The following SPATA13 variants were observed in gnomAD, a reference collection of about 807,000 sequenced individuals.
The protein encoded by SPATA13 is spermatogenesis associated 13.
A neutral mutation model predicts 104.0 loss-of-function variants in SPATA13; 50 were observed. The ratio of observed to expected loss-of-function variants is 0.48; its 90% CI spans 0.38 to 0.61. The LOEUF (loss-of-function observed/expected upper bound fraction) is 0.61, where lower values mean the gene tolerates loss of function less well. Ranked by LOEUF, SPATA13 falls within the 20% of genes least tolerant of loss-of-function variation. The pLI is 0.00. For missense variants in SPATA13, 1,524 were observed against 1,690.6 expected (o/e 0.90, Z 1.73); for synonymous variants, 606 against 667.5 (o/e 0.91, Z 1.42).
intron 5 of SPATA13, among the ~76,000 whole-genome samples, chr13:24,285,179 A>C (rs1391095536): frequency 6.6e-6 from 1 of 152,104 alleles, no homozygotes; most frequent in East Asian, 1.9e-4. Context: ...TGGCCAGGGG[A>C]TGGAGGAGCC....
chr13:24,149,497 T>G (rs566193747), intron 3 of SPATA13, among the ~76,000 whole-genome samples: 1 of 152,278 alleles, frequency 6.6e-6, no homozygotes, highest in African/African-American at 2.4e-5. Context: ...TGGCCAAGGG[T>G]GGACTCTGAA....
intron 1 of SPATA13, among the ~76,000 whole-genome samples, chr13:24,189,944 C>CGTAATATATAATTAT (rs1566140820): frequency 6.9e-5 from 2 of 29,020 alleles, no homozygotes; most frequent in Non-Finnish European, 1.2e-4. Context: ...TAATATATTA[C>CGTAATATATAATTAT]ATAATATATT....
intron 1 of SPATA13, among the ~76,000 whole-genome samples, chr13:24,196,579 C>CA (rs1036157035): frequency 6.6e-6 from 1 of 151,808 alleles, no homozygotes; most frequent in African/African-American, 2.4e-5. Flanking sequence ...CTACAAAAAC[C>CA]AAAAAAATTA....
intron 3 of SPATA13, among the ~76,000 whole-genome samples, chr13:24,063,444 G>A (rs1468759177): frequency 6.6e-6 from 1 of 151,930 alleles, no homozygotes; most frequent in African/African-American, 2.4e-5. Flanking sequence ...CTGTGTAAGC[G>A]CCTCTGGACT....
In SPATA13 at chr13:24,223,685, C is replaced by A; in HGVS notation, c.756C>A (p.Ser252Arg). Residue 252 changes from serine (S) to arginine (R), a missense_variant, in exon 2 of 13, where the codon AGC becomes AGA. Ser to Arg is a moderately radical substitution (Grantham distance 110). Coordinates refer to ENST00000382108, the MANE Select transcript of SPATA13 (RefSeq NM_001166271.3). ...PENNSMGYRR[S>R]KSTDNLAFLK... ...ACAACAGCATGGGCTACAGGAGGAGCAAGAGCACGGACAATCTTGCCTTTC... is the reference window on the plus strand; with the variant it reads ...ACAACAGCATGGGCTACAGGAGGAGAAAGAGCACGGACAATCTTGCCTTTC... 6.4e-7 allele frequency: 1 copy of A among 1,552,236 alleles called. No individual in the cohort carries two copies. The highest frequency in any genetic ancestry group is 8.7e-7 in the Non-Finnish European group (1 of 1,147,130).
In SPATA13 at chr13:24,251,599, T is replaced by C. The variant is rs1440736153; in HGVS notation, c.2020-119T>C. The C allele has an allele frequency of 1.6e-5, 24 of 1,516,756 alleles. No homozygotes were observed. In the Admixed American group the frequency reaches 2.1e-4, roughly 13 times the overall value. 94.0% of individuals were successfully genotyped at this position (1,516,756 alleles called of 1,614,324 possible). On this transcript the variant is annotated intron_variant, in intron 3 of 12. Transcript: ENST00000382108. ...GTGCAGCCTGCAACTCGTGGCAGGA[T>C]TGGAGAAACCATTTCACGTCTGTGA...
intron 2 of SPATA13, among the ~76,000 whole-genome samples, chr13:24,004,672 C>A (rs953702606): frequency 1.3e-5 from 2 of 152,162 alleles, no homozygotes; most frequent in Non-Finnish European, 2.9e-5. Flanking sequence ...AAATCAATTC[C>A]GAGACTGCTC....
At chr13:24,266,754 C>T (rs1191533851) in intron 4 of SPATA13, among the ~76,000 whole-genome samples, 1 of 151,904 alleles carries the variant, frequency 6.6e-6, no homozygotes, top group African/African-American at 2.4e-5. Context: ...GTATCTTATC[C>T]AAAGAGAAGA....
At chr13:24,232,003 C>T (rs1345571696) in intron 2 of SPATA13, among the ~76,000 whole-genome samples, 1 of 152,176 alleles carries the variant, frequency 6.6e-6, no homozygotes, top group Non-Finnish European at 1.5e-5. Context: ...TTCCTGGCCA[C>T]CTGTCCTTTA....
chr13:24,096,142 C>A lies in SPATA13; in HGVS notation c.-112+78441C>A, dbSNP rs79446363. 3.5e-3 allele frequency among the ~76,000 whole-genome samples: 526 copies of A among 152,248 alleles called. 3 individuals carry two copies. The highest frequency in any genetic ancestry group is 4.9e-3 in the Non-Finnish European group (330 of 68,016). ...CAGTGACTTTTCATTGGGATCCTAC[C>A]ACCTGCCTGGTGCCTGACTTGTTCT... On this transcript the variant is annotated intron_variant, in intron 3 of 14. Coordinates refer to the SPATA13 transcript ENST00000424834.
At chr13:24,084,342 C>T (rs973663653) in intron 3 of SPATA13, among the ~76,000 whole-genome samples, 8 of 152,146 alleles carry the variant, frequency 5.3e-5, no homozygotes, top group African/African-American at 1.4e-4. Context: ...GGAGCTGAGC[C>T]CGCGCATGAT....
At chr13:24,029,081 C>G (rs1395955081) in intron 3 of SPATA13, among the ~76,000 whole-genome samples, 1 of 151,578 alleles carries the variant, frequency 6.6e-6, no homozygotes, top group Non-Finnish European at 1.5e-5. Flanking sequence ...TTTTAATTAT[C>G]GAATTTATTT....
intron 4 of SPATA13, among the ~76,000 whole-genome samples, chr13:24,262,948 C>T (rs1179501780): frequency 6.6e-6 from 1 of 152,018 alleles, no homozygotes; most frequent in Non-Finnish European, 1.5e-5. Context: ...TACATACGTT[C>T]AGGTTATTTT....
At chr13:24,178,794 T>G (rs1199170548) in intron 1 of SPATA13, among the ~76,000 whole-genome samples, 1 of 152,224 alleles carries the variant, frequency 6.6e-6, no homozygotes, top group East Asian at 1.9e-4. Flanking sequence ...CTAATTGATA[T>G]GTAACGCATC....
chr13:24,293,619 A>C (rs1233962658), intron 9 of SPATA13, among the ~76,000 whole-genome samples: 3 of 152,240 alleles, frequency 2.0e-5, no homozygotes, highest in African/African-American at 7.2e-5. Flanking sequence ...TTTTAAAAAA[A>C]CCATTACAAT....
At chr13:23,983,779 C>T (rs1421762824) in exon 2 of SPATA13, 6 of 528,958 alleles carry the variant, frequency 1.1e-5, no homozygotes, top group Non-Finnish European at 1.5e-5. Flanking sequence ...AGCCTAGTTC[C>T]AGCTAGGGGT....
chr13:24,027,074 C>G (rs1877253071), intron 3 of SPATA13, among the ~76,000 whole-genome samples: 4 of 146,868 alleles, frequency 2.7e-5, no homozygotes, highest in African/African-American at 7.5e-5. Flanking sequence ...ATAGTTCAGT[C>G]TTTTCTCTCT....
intron 1 of SPATA13, 54 bp downstream of exon 1, chr13:24,160,986 TAGGTAGA>T (rs902390141): frequency 5.3e-6 from 5 of 950,304 alleles, no homozygotes; most frequent in Admixed American, 1.2e-4. Flanking sequence ...CATGGGCTGT[TAGGTAGA>T]ATATCGGGAG....
At chr13:24,227,666 G>A (rs1445488568) in intron 2 of SPATA13, among the ~76,000 whole-genome samples, 1 of 152,082 alleles carries the variant, frequency 6.6e-6, no homozygotes, top group African/African-American at 2.4e-5. Flanking sequence ...TGCCTCACAA[G>A]TTTAAGCAGT....
Sources: gnomAD v4.1 joint callset for allele counts (sites outside exome capture counted in the v4.1 genomes callset) on GRCh38, gnomAD v4.1.1 for gene constraint, MANE v1.5 for transcripts, NCBI Gene and HGNC (gene_info 2026-07-23, HGNC 2026-07-21) for gene names.